The following MTA3 variants were observed in gnomAD, a reference collection of about 807,000 sequenced individuals.
The protein encoded by MTA3 is metastasis-associated protein MTA3.
MTA3 carries 34 observed loss-of-function variants against 83.5 expected under a neutral mutation model. The ratio of observed to expected loss-of-function variants is 0.41; its 90% CI spans 0.31 to 0.54. The LOEUF is 0.54. Ranked by LOEUF, MTA3 falls within the 20% of genes least tolerant of loss-of-function variation. The pLI is 0.33. For missense variants in MTA3, 761 were observed against 726.4 expected, an observed-to-expected ratio of 1.05 and a Z score of -0.55; for synonymous variants, 303 against 252.7, an observed-to-expected ratio of 1.20 and a Z score of -1.89.
chr2:42,600,993 G>A (rs189787451), intron 3 of MTA3, among the ~76,000 whole-genome samples: 83 of 151,924 alleles, frequency 5.5e-4, no homozygotes, highest in African/African-American at 1.8e-3. Context: ...TGCAACCTCC[G>A]CCTCCCGGGT....
At chr2:42,566,926 T>A (rs574060523), upstream of MTA3, among the ~76,000 whole-genome samples, 3 of 152,290 alleles carry the variant, frequency 2.0e-5, no homozygotes, top group East Asian at 5.8e-4. Flanking sequence ...TGATTCCAGG[T>A]GAATTATTCA....
chr2:42,672,645 C>CAAAAAAAAA (rs5830734), intron 8 of MTA3, among the ~76,000 whole-genome samples: 1 of 51,548 alleles, frequency 1.9e-5, no homozygotes, highest in Non-Finnish European at 3.1e-5. Flanking sequence ...ATTCCATCTC[C>CAAAAAAAAA]AAAAAAAAAA....
At chr2:42,683,156 A>G (rs1234011194) in intron 9 of MTA3, among the ~76,000 whole-genome samples, 2 of 152,250 alleles carry the variant, frequency 1.3e-5, no homozygotes, top group East Asian at 1.9e-4. Context: ...AATTTATCCT[A>G]TTTACTTCTC....
chr2:42,533,749 T>C (rs1218522931), intron 2 of MTA3, among the ~76,000 whole-genome samples: 1 of 149,406 alleles, frequency 6.7e-6, no homozygotes, highest in African/African-American at 2.5e-5. Flanking sequence ...GGAGAATCGC[T>C]TGAACCCAAG....
In MTA3 at chr2:42,497,483, G is replaced by C. The variant is rs1312928950; in HGVS notation, c.-141+2229G>C. Among the ~76,000 whole-genome samples the C allele has an allele frequency of 3.5e-4, 53 of 151,694 alleles. 2 individuals are homozygous for C. The highest frequency in any genetic ancestry group is 1.3e-4 in the Non-Finnish European group (9 of 67,954). ...CCCTGTAATCCCAGCTACTCAGGAA[G>C]CTGAGGCACGAGAATCGCTTGAACC... On this transcript the variant is annotated intron_variant, in intron 2 of 17. Transcript: ENST00000405592.
chr2:42,697,931 T>C (rs1054174789), intron 11 of MTA3, 97 bp downstream of exon 11: 8 of 804,368 alleles, frequency 9.9e-6, no homozygotes, highest in Middle Eastern at 2.8e-4. Context: ...TTTGAACTTT[T>C]GTGTATCTTT....
Position 42,514,682 on chromosome 2 carries a change from C to CTTTTTTTTTTTTTTTTTTTTTTTT in MTA3, c.-141+19430_-141+19453dup, listed in dbSNP as rs767598363. Among the ~76,000 whole-genome samples the CTTTTTTTTTTTTTTTTTTTTTTTT allele has an allele frequency of 4.3e-4, 23 of 53,486 alleles. 8 individuals are homozygous for CTTTTTTTTTTTTTTTTTTTTTTTT. The highest frequency in any genetic ancestry group is 2.3e-3 in the South Asian group (2 of 884). The allele number at this position is 53,486 out of a possible 152,430, so 35.1% of individuals were successfully genotyped here. A position where few individuals can be genotyped will look rare whatever the true frequency, so the allele number is the denominator to read the frequency against. On this transcript the variant is annotated intron_variant, in intron 2 of 17. Transcript: ENST00000405592. Reference sequence around the variant, plus strand: ...GATTACAGGCATGAGCGCCCAGCCCCTTTTTTTTTTTTTTTTTTTTTTTTT... The same window carrying CTTTTTTTTTTTTTTTTTTTTTTTT: ...GATTACAGGCATGAGCGCCCAGCCCCTTTTTTTTTTTTTTTTTTTTTTTTTTTTTTTTTTTTTTTTTTTTTTTTT...
chr2:42,516,327 T>C (rs1418057899), intron 2 of MTA3, among the ~76,000 whole-genome samples: 3 of 152,186 alleles, frequency 2.0e-5, no homozygotes, highest in Admixed American at 6.6e-5. Context: ...AGATAAATTA[T>C]AAAAAATACC....
At chr2:42,741,811 A>G (rs1244388143) in intron 16 of MTA3, among the ~76,000 whole-genome samples, 2 of 152,244 alleles carry the variant, frequency 1.3e-5, no homozygotes, top group Non-Finnish European at 2.9e-5. Flanking sequence ...ACAGATCAAC[A>G]TAACAGATAT....
intron 4 of MTA3, among the ~76,000 whole-genome samples, chr2:42,633,290 G>A (rs1180177979): frequency 5.3e-5 from 8 of 150,840 alleles, no homozygotes; most frequent in Non-Finnish European, 3.0e-5. Context: ...AAAAAAAAAA[G>A]CAGAGGTCCA....
Position 42,756,805 on chromosome 2 carries a change from A to C in MTA3, c.*3406A>C. On this transcript the variant is annotated 3_prime_UTR_variant, in exon 17 of 17. Transcript: ENST00000405094. ...TTTTCCCTGCCAGGGAAGCTAACCCAGAGCACGCACCTGTGCTCATGAGTG... is the reference window on the plus strand; with the variant it reads ...TTTTCCCTGCCAGGGAAGCTAACCCCGAGCACGCACCTGTGCTCATGAGTG... The C allele has an allele frequency of 6.1e-6, 6 of 985,408 alleles. No individual in the cohort carries two copies. The highest frequency in any genetic ancestry group is 4.8e-6 in the Non-Finnish European group (4 of 829,958). 61.0% of individuals were successfully genotyped at this position (985,408 alleles called of 1,614,324 possible).
chr2:42,667,471 G>A (rs368838469), intron 8 of MTA3, among the ~76,000 whole-genome samples: 29 of 151,880 alleles, frequency 1.9e-4, no homozygotes, highest in Non-Finnish European at 3.8e-4. Context: ...ACGGCTCTCA[G>A]TATCTCATAA....
intron 2 of MTA3, among the ~76,000 whole-genome samples, chr2:42,570,814 C>T (rs1348401395): frequency 1.3e-5 from 2 of 151,842 alleles, no homozygotes; most frequent in Non-Finnish European, 2.9e-5. Flanking sequence ...AGTTCGAGAC[C>T]AGCCTGACCA....
intron 10 of MTA3, among the ~76,000 whole-genome samples, chr2:42,697,347 T>C (rs1041611824): frequency 6.6e-6 from 1 of 152,196 alleles, no homozygotes; most frequent in African/African-American, 2.4e-5. Flanking sequence ...GCCTGGATTT[T>C]GGAAATAAAT....
intron 16 of MTA3, among the ~76,000 whole-genome samples, chr2:42,733,066 C>A (rs568504951): frequency 6.6e-6 from 1 of 152,310 alleles, no homozygotes; most frequent in African/African-American, 2.4e-5. Flanking sequence ...GCCTGTCATC[C>A]AGTTACAAAG....
chr2:42,616,779 G>T (rs1457177505), intron 4 of MTA3, among the ~76,000 whole-genome samples: 2 of 151,370 alleles, frequency 1.3e-5, no homozygotes, highest in Non-Finnish European at 2.9e-5. Flanking sequence ...GGGTTTCGTT[G>T]TGTTGGCCAG....
chr2:42,583,935 C>T lies in MTA3; in HGVS notation c.190+4735C>T, dbSNP rs141425277. ...CTCAGCTCAACGTAACCTCCACCTC[C>T]CAGGTTCAAGCGATTCTCCTGTCTC... is the stretch of plus-strand genomic sequence containing the variant. On this transcript the variant is annotated intron_variant, in intron 3 of 16. Coordinates refer to ENST00000405094, the MANE Select transcript of MTA3 (RefSeq NM_001330442.2). Among the ~76,000 whole-genome samples the T allele has an allele frequency of 3.6e-3, 554 of 151,900 alleles. 15 individuals carry two copies. The highest frequency in any genetic ancestry group is 9.7e-4 in the East Asian group (5 of 5,172).
intron 3 of MTA3, among the ~76,000 whole-genome samples, chr2:42,580,965 G>A (rs1679552653): frequency 6.6e-6 from 1 of 152,182 alleles, no homozygotes; most frequent in South Asian, 2.1e-4. Context: ...ATGGGTGTAA[G>A]GAAGGCTGCT....
Position 42,753,260 on chromosome 2 carries a change from A to AGC in MTA3, c.1760-113_1760-112dup, listed in dbSNP as rs1670015888. The AGC allele has an allele frequency of 2.0e-5, 30 of 1,523,396 alleles. 1 individual carries two copies. The South Asian group carries it at 3.8e-4, about 19-fold the overall frequency. 94.4% of individuals were successfully genotyped at this position (1,523,396 alleles called of 1,614,324 possible). A position where few individuals can be genotyped will look rare whatever the true frequency, so the allele number is the denominator to read the frequency against. On this transcript the variant is annotated intron_variant, in intron 16 of 16. Coordinates refer to ENST00000405094, the MANE Select transcript of MTA3 (RefSeq NM_001330442.2). ...TGAGATTTTCTTTGACCTACTGCTG[A>AGC]GCCTCCTTTCCCTGAAGGTTGTGAT...
Sources: allele counts gnomAD v4.1 joint callset (sites outside exome capture counted in the v4.1 genomes callset), GRCh38; gene constraint gnomAD v4.1.1; transcripts MANE v1.5; gene names NCBI Gene and HGNC (gene_info 2026-07-23, HGNC 2026-07-21).